The following KIF13B variants were observed in gnomAD, a reference collection of about 807,000 sequenced individuals.
KIF13B encodes kinesin-like protein KIF13B.
A neutral mutation model predicts 222.0 loss-of-function variants in KIF13B; 127 were observed. That is an observed-to-expected ratio of 0.57 (90% confidence interval 0.50 to 0.66). KIF13B has a LOEUF of 0.66. Among genes scored for constraint, KIF13B ranks in the 30% least tolerant of loss-of-function variants. The pLI, the probability that KIF13B is intolerant of heterozygous loss-of-function variation, is 0.00. For synonymous variants in KIF13B, 976 were observed against 919.0 expected, an observed-to-expected ratio of 1.06 and a Z score of -1.12; for missense variants, 2,173 against 2,379.0, an observed-to-expected ratio of 0.91 and a Z score of 1.80.
In KIF13B at chr8:29,099,199, A is replaced by C; in HGVS notation, c.4258T>G (p.Ser1420Ala). ...SQQDVSQTTV[S>A]RGIAPAPALS... ...GCGGGGGCAGGAGCTATTCCTCTGG[A>C]AACTGTGGTTTGGGATACATCCTGC... Residue 1420 changes from serine (S) to alanine (A), a missense_variant, in exon 36 of 40, where the codon TCC (serine) becomes GCC (alanine). This residue lies in a region of KIF13B where 693 missense variants were observed against 656.2 expected (regional missense o/e 1.06). Transcript: ENST00000524189. 6.2e-7 allele frequency: 1 copy of C among 1,613,794 alleles called. No homozygotes were observed.
Position 29,153,912 on chromosome 8 carries a change from CA to C in KIF13B, c.1535+1813del, listed in dbSNP as rs200102705. On this transcript the variant is annotated intron_variant, in intron 14 of 39. Coordinates refer to ENST00000524189, the MANE Select transcript of KIF13B (RefSeq NM_015254.4). ...CTTTAAACTCTGTAAAGCTATGGAG[CA>C]TTTACCTGGTGATATAGTATTCGTG... 9.8e-3 allele frequency among the ~76,000 whole-genome samples: 1,487 copies of C among 152,300 alleles called. 12 individuals carry two copies. The highest frequency in any genetic ancestry group is 0.02 in the African/African-American group (815 of 41,566).
At chr8:29,152,508 T>C (rs1811342346) in intron 14 of KIF13B, among the ~76,000 whole-genome samples, 1 of 152,178 alleles carries the variant, frequency 6.6e-6, no homozygotes, top group Admixed American at 6.5e-5. Flanking sequence ...ACTACCACCT[T>C]GATCAGTGAG....
chr8:29,239,336 G>C (rs6558102), intron 2 of KIF13B, among the ~76,000 whole-genome samples: 1 of 152,036 alleles, frequency 6.6e-6, no homozygotes, highest in African/African-American at 2.4e-5. Context: ...AGTATACTAC[G>C]ACAATTTTCA....
In KIF13B at chr8:29,171,404, A is replaced by G. The variant is rs1812230897; in HGVS notation, c.946-3819T>C. Among the ~76,000 whole-genome samples the G allele has an allele frequency of 3.3e-5, 5 of 152,142 alleles. 1 individual carries two copies. The South Asian group carries it at 1.0e-3, about 32-fold the overall frequency. On this transcript the variant is annotated intron_variant, in intron 10 of 39. Transcript: ENST00000524189. ...TTACACACATTAAGAGCACAACACA[A>G]TTACAACGCAAATATGAGGCAGAAA...
Position 29,147,636 on chromosome 8 carries a change from G to C in KIF13B, c.1814-34C>G, listed in dbSNP as rs566372535. 1,270 of 1,453,646 alleles carry C rather than the reference G, an allele frequency of 8.7e-4. 20 individuals carry two copies. The South Asian group carries it at 0.014, about 15-fold the overall frequency. The allele number at this position is 1,453,646 out of a possible 1,614,324, so 90.0% of individuals were successfully genotyped here. On this transcript the variant is annotated intron_variant, in intron 16 of 39. Coordinates refer to ENST00000524189, the MANE Select transcript of KIF13B (RefSeq NM_015254.4). Reference sequence around the variant, plus strand: ...ATTTTTAAAAAAGATACATGATCGAGAGTTACAACATAATAAACTTCAAAT... The same window carrying C: ...ATTTTTAAAAAAGATACATGATCGACAGTTACAACATAATAAACTTCAAAT...
intron 22 of KIF13B, among the ~76,000 whole-genome samples, 157 bp from the exon 23 acceptor site, chr8:29,132,622 G>A (rs976740911): frequency 2.6e-5 from 4 of 152,132 alleles, no homozygotes; most frequent in Non-Finnish European, 4.4e-5. Flanking sequence ...CATAATGAAT[G>A]CTCAGATGGC....
intron 37 of KIF13B, among the ~76,000 whole-genome samples, chr8:29,082,265 A>C (rs1270796489): frequency 2.6e-5 from 4 of 152,236 alleles, no homozygotes; most frequent in Non-Finnish European, 4.4e-5. Context: ...ATCACTGCCT[A>C]TAAGTGAATG....
intron 23 of KIF13B, among the ~76,000 whole-genome samples, chr8:29,131,181 C>A: frequency 6.6e-6 from 1 of 151,992 alleles, no homozygotes. Context: ...AGTTGGGGAG[C>A]AGGGAAGTGA....
chr8:29,131,514 AAAAAAG>A (rs1810343730), intron 23 of KIF13B, among the ~76,000 whole-genome samples: 1 of 152,204 alleles, frequency 6.6e-6, no homozygotes, highest in Non-Finnish European at 1.5e-5. Flanking sequence ...ATCCAAATGC[AAAAAAG>A]AAAAAGAAAA....
At chr8:29,122,544 C>T in intron 29 of KIF13B, 47 bp downstream of exon 29, 1 of 1,473,180 alleles carries the variant, frequency 6.8e-7, no homozygotes, top group Non-Finnish European at 9.4e-7. Flanking sequence ...GTTATGTAGG[C>T]ACTAAATTTT....
chr8:29,224,080 G>A (rs1814898596), intron 2 of KIF13B, among the ~76,000 whole-genome samples: 2 of 147,206 alleles, frequency 1.4e-5, no homozygotes, highest in Admixed American at 6.9e-5. Context: ...CTCACTGCAA[G>A]CTCCACCTCC....
intron 2 of KIF13B, among the ~76,000 whole-genome samples, chr8:29,238,403 G>T (rs958155028): frequency 6.6e-6 from 1 of 152,178 alleles, no homozygotes; most frequent in Admixed American, 6.5e-5. Flanking sequence ...GTACACTGAA[G>T]CTCCAAAGAA....
In KIF13B at chr8:29,249,431, A is replaced by T. The variant is rs112409731; in HGVS notation, c.56-3992T>A. Reference sequence around the variant, plus strand: ...GGCGACAGAGCAAGACTCCGTCTTTAAAAAAAAAAAAAAAAAAAAAAAGAT... The same window carrying T: ...GGCGACAGAGCAAGACTCCGTCTTTTAAAAAAAAAAAAAAAAAAAAAAGAT... On this transcript the variant is annotated intron_variant, in intron 1 of 39. Coordinates refer to ENST00000524189, the MANE Select transcript of KIF13B (RefSeq NM_015254.4). Among the ~76,000 whole-genome samples, 193 of 66,362 alleles carry T rather than the reference A, an allele frequency of 2.9e-3. 5 individuals carry two copies. The highest frequency in any genetic ancestry group is 0.027 in the East Asian group (19 of 702). 43.5% of individuals were successfully genotyped at this position (66,362 alleles called of 152,430 possible).
At chr8:29,226,138 G>A (rs140327681) in intron 2 of KIF13B, among the ~76,000 whole-genome samples, 199 of 152,264 alleles carry the variant, frequency 1.3e-3, no homozygotes, top group African/African-American at 4.7e-3. Flanking sequence ...GATGTAAAAT[G>A]TAACACCTGA....
chr8:29,214,297 A>C (rs1367912414), intron 2 of KIF13B, among the ~76,000 whole-genome samples: 1 of 152,256 alleles, frequency 6.6e-6, no homozygotes, highest in Non-Finnish European at 1.5e-5. Context: ...AGTCAGGTTA[A>C]AACACAAACA....
chr8:29,163,102 A>G (rs1811852792), intron 12 of KIF13B, among the ~76,000 whole-genome samples: 1 of 152,248 alleles, frequency 6.6e-6, no homozygotes, highest in Admixed American at 6.5e-5. Flanking sequence ...TAATGGGAAC[A>G]TAAAAGATAA....
At chr8:29,105,323 C>T (rs568449248) in intron 35 of KIF13B, among the ~76,000 whole-genome samples, 1 of 152,138 alleles carries the variant, frequency 6.6e-6, no homozygotes, top group Admixed American at 6.5e-5. Flanking sequence ...ACACAGCAAC[C>T]TGGTTCATCC....
chr8:29,248,698 G>A (rs1303414404), intron 1 of KIF13B, among the ~76,000 whole-genome samples: 2 of 152,180 alleles, frequency 1.3e-5, no homozygotes, highest in Non-Finnish European at 2.9e-5. Context: ...GATGGGATTT[G>A]GGTGGGGACA....
chr8:29,198,686 A>G (rs1813549442), intron 2 of KIF13B, among the ~76,000 whole-genome samples: 1 of 152,238 alleles, frequency 6.6e-6, no homozygotes. Context: ...CACTATGGGT[A>G]TGCACCCAAA....
Sources: allele counts gnomAD v4.1 joint callset (sites outside exome capture counted in the v4.1 genomes callset), GRCh38; gene constraint gnomAD v4.1.1; regional missense constraint gnomAD v4.1.1; transcripts MANE v1.5; gene names NCBI Gene and HGNC (gene_info 2026-07-23, HGNC 2026-07-21).